UBE2E2: variants seen among roughly 807,000 people sequenced by gnomAD.
The protein encoded by UBE2E2 is ubiquitin-conjugating enzyme E2 E2.
In UBE2E2, 6 loss-of-function variants were observed where a neutral mutation model predicts 24.7. The ratio of observed to expected loss-of-function variants is 0.24; its 90% confidence interval spans 0.13 to 0.48. The LOEUF (loss-of-function observed/expected upper bound fraction) is 0.48, where lower values mean the gene tolerates loss of function less well. UBE2E2 is among the 20% of genes least tolerant of loss of function. The pLI is 0.99. For missense variants in UBE2E2, 169 were observed against 245.0 expected (o/e 0.69, Z 2.07); for synonymous variants, 104 against 83.6 (o/e 1.24, Z -1.33).
At chr3:23,334,813 G>A (rs1695159526) in intron 3 of UBE2E2, among the ~76,000 whole-genome samples, 1 of 152,154 alleles carries the variant, frequency 6.6e-6, no homozygotes, top group Admixed American at 6.5e-5. Flanking sequence ...TTGGAAAAAG[G>A]CAGTTAGCTA....
At chr3:23,258,733 A>G (rs973979795) in intron 3 of UBE2E2, among the ~76,000 whole-genome samples, 2 of 151,854 alleles carry the variant, frequency 1.3e-5, no homozygotes, top group Non-Finnish European at 2.9e-5. Flanking sequence ...CTCTACTAAA[A>G]ATACAAAAAA....
chr3:23,589,170 C>T lies in UBE2E2; in HGVS notation c.509-564C>T, dbSNP rs986857026. ...GCATCTCACACCTGTAATCCCAGCACTTTGGGAGGCTGAGGCAGGAGGATA... is the reference window on the plus strand; with the variant it reads ...GCATCTCACACCTGTAATCCCAGCATTTTGGGAGGCTGAGGCAGGAGGATA... On this transcript the variant is annotated intron_variant, in intron 5 of 5. Transcript: ENST00000396703. This position sits in a 1 kb window ranked among gnomAD's most constrained non-coding sequence, Gnocchi z 4.1. Among the ~76,000 whole-genome samples, 1 of 152,126 alleles carries T rather than the reference C, an allele frequency of 6.6e-6. No individual in the cohort carries two copies. Among genetic ancestry groups the T allele is most frequent in the African/African-American group, 2.4e-5 (1 of 41,420 alleles).
intron 3 of UBE2E2, among the ~76,000 whole-genome samples, chr3:23,327,759 A>G (rs1161587089): frequency 6.6e-6 from 1 of 152,200 alleles, no homozygotes; most frequent in Admixed American, 6.5e-5. Flanking sequence ...CAGGTCTGAA[A>G]AAAGTGTTGT....
At chr3:23,293,144 C>T (rs1297407739) in intron 3 of UBE2E2, among the ~76,000 whole-genome samples, 1 of 152,178 alleles carries the variant, frequency 6.6e-6, no homozygotes, top group Non-Finnish European at 1.5e-5. Flanking sequence ...GGCACAGTGC[C>T]AGTCACATAA....
intron 4 of UBE2E2, among the ~76,000 whole-genome samples, chr3:23,532,061 C>CAAAA (rs538531736): frequency 1.1e-5 from 1 of 91,298 alleles, no homozygotes; most frequent in Non-Finnish European, 2.2e-5. Context: ...AACTCTATCT[C>CAAAA]AAAAAAAAAA....
chr3:23,478,896 A>ATT (rs5847235), intron 3 of UBE2E2, among the ~76,000 whole-genome samples: 5,081 of 120,468 alleles, frequency 0.042, 327 homozygotes, highest in African/African-American at 0.13. Context: ...ATATATATAT[A>ATT]TTTTTTTTTT....
chr3:23,586,609 T>A (rs1472992658), intron 5 of UBE2E2, among the ~76,000 whole-genome samples: 1 of 152,204 alleles, frequency 6.6e-6, no homozygotes, highest in Non-Finnish European at 1.5e-5. Flanking sequence ...ATAACATGAT[T>A]TTTTTAATTC....
chr3:23,463,026 A>T lies in UBE2E2; in HGVS notation c.228-36582A>T, dbSNP rs942413568. ...GCAATGGTATTATGACAATAGGTTC[A>T]TATTACAAATTAGATGGTTAAGGCC... On this transcript the variant is annotated intron_variant, in intron 3 of 5. Coordinates refer to ENST00000396703, the MANE Select transcript of UBE2E2 (RefSeq NM_152653.4). 3.3e-5 allele frequency among the ~76,000 whole-genome samples: 5 copies of T among 152,194 alleles called. 1 individual carries two copies. The East Asian group carries it at 5.8e-4, about 18-fold the overall frequency.
intron 3 of UBE2E2, among the ~76,000 whole-genome samples, chr3:23,402,113 C>A (rs930335861): frequency 5.3e-5 from 8 of 152,094 alleles, no homozygotes; most frequent in African/African-American, 1.7e-4. Context: ...CTCAGCCTCC[C>A]AAAGTGCTGG....
At chr3:23,293,669 T>C (rs1401378476) in intron 3 of UBE2E2, among the ~76,000 whole-genome samples, 1 of 152,224 alleles carries the variant, frequency 6.6e-6, no homozygotes, top group East Asian at 1.9e-4. Context: ...AATCATAATA[T>C]GTATCTTTCC....
chr3:23,355,511 G>A (rs926481809), intron 3 of UBE2E2, among the ~76,000 whole-genome samples: 1 of 152,196 alleles, frequency 6.6e-6, no homozygotes, highest in African/African-American at 2.4e-5. Context: ...TTTTAAATCA[G>A]AAGATACTGA....
chr3:23,434,268 CA>C (rs968930732), intron 3 of UBE2E2, among the ~76,000 whole-genome samples: 2 of 151,254 alleles, frequency 1.3e-5, no homozygotes, highest in African/African-American at 4.8e-5. Context: ...AGCCAAAGAG[CA>C]AAAAAAAGAT....
chr3:23,222,784 G>A (rs1375662000), intron 3 of UBE2E2, among the ~76,000 whole-genome samples: 1 of 152,096 alleles, frequency 6.6e-6, no homozygotes, highest in East Asian at 1.9e-4. Flanking sequence ...AGTTTTGTAA[G>A]TAACCTTTGT....
intron 3 of UBE2E2, among the ~76,000 whole-genome samples, chr3:23,247,606 G>A (rs1176023230): frequency 6.6e-6 from 1 of 151,988 alleles, no homozygotes; most frequent in Non-Finnish European, 1.5e-5. Context: ...TGTCTGCCTT[G>A]GCCTCCCAAA....
chr3:23,390,280 T>C (rs1159854340), intron 3 of UBE2E2, among the ~76,000 whole-genome samples: 2 of 152,080 alleles, frequency 1.3e-5, no homozygotes, highest in East Asian at 1.9e-4. Flanking sequence ...TCCCCACTTA[T>C]CCTGTACCCA....
chr3:23,290,889 TAAA>T (rs71051209), intron 3 of UBE2E2, among the ~76,000 whole-genome samples: 2 of 86,758 alleles, frequency 2.3e-5, no homozygotes, highest in Middle Eastern at 4.9e-3. Flanking sequence ...ACTGTGTGTC[TAAA>T]AAAAAAAAAA....
intron 5 of UBE2E2, among the ~76,000 whole-genome samples, chr3:23,581,256 G>A (rs1559428932): frequency 6.6e-6 from 1 of 151,778 alleles, no homozygotes; most frequent in African/African-American, 2.4e-5. Flanking sequence ...GCGGGGTCTC[G>A]CTATATTGAT....
At chr3:23,533,726 G>T (rs560357770) in intron 5 of UBE2E2, among the ~76,000 whole-genome samples, 1 of 148,004 alleles carries the variant, frequency 6.8e-6, no homozygotes, top group African/African-American at 2.5e-5. Context: ...GGATTCAAGC[G>T]ATTCTCCTAT....
chr3:23,337,381 G>A (rs767020674), intron 3 of UBE2E2, among the ~76,000 whole-genome samples: 1 of 152,056 alleles, frequency 6.6e-6, no homozygotes, highest in Non-Finnish European at 1.5e-5. Context: ...CCCTGTTTCT[G>A]TGCTGTACCC....
Sources: gnomAD v4.1 joint callset for allele counts (sites outside exome capture counted in the v4.1 genomes callset) on GRCh38, gnomAD v4.1.1 for gene constraint, Gnocchi (gnomAD v3.1) non-coding constraint, MANE v1.5 for transcripts, NCBI Gene and HGNC (gene_info 2026-07-23, HGNC 2026-07-21) for gene names.